The following ATP8A2 variants were observed in gnomAD, a reference collection of about 807,000 sequenced individuals.
The protein encoded by ATP8A2 is ATPase phospholipid transporting 8A2, also known as phospholipid-transporting ATPase IB.
In ATP8A2, 100 loss-of-function variants were observed where a neutral mutation model predicts 165.6. The observed-to-expected ratio is 0.60, with a 90% CI of 0.51 to 0.71. The LOEUF (loss-of-function observed/expected upper bound fraction) is 0.71. Among genes scored for constraint, ATP8A2 ranks in the 30% least tolerant of loss-of-function variants. The pLI, the probability that ATP8A2 is intolerant of heterozygous loss-of-function variation, is 0.00. For missense variants in ATP8A2, 1,227 were observed against 1,479.5 expected (o/e 0.83, Z 2.80); for synonymous variants, 543 against 548.8 (o/e 0.99, Z 0.15).
intron 1 of ATP8A2, among the ~76,000 whole-genome samples, chr13:25,382,534 A>G (rs1208723255): frequency 6.6e-6 from 1 of 152,106 alleles, no homozygotes; most frequent in Non-Finnish European, 1.5e-5. Flanking sequence ...TGGCTGTACC[A>G]TTTTGCATCC....
At position 25,577,123 on chromosome 13, in the gene ATP8A2, T is replaced by C. The variant is rs1198726040; in HGVS notation, c.1767T>C (p.Leu589=). ...IVRTPSGRLR[L]YCKGADNVIF... ...GAACTCCTTCAGGACGACTTCGGCT[T>C]TACTGTAAAGGGGCTGTAAGTACCG... Residue 589 remains leucine (L), a synonymous_variant, in exon 20 of 37, where the codon CTT becomes CTC. Transcript: ENST00000381655. The C allele has an allele frequency of 6.2e-7, 1 of 1,614,058 alleles. No individual in the cohort carries two copies.
chr13:25,860,906 T>G (rs1266437218), intron 32 of ATP8A2, 46 bp downstream of exon 32: 13 of 1,307,106 alleles, frequency 9.9e-6, no homozygotes, highest in Non-Finnish European at 1.4e-5. Context: ...TAGATATTTT[T>G]CATGCTAGGA....
chr13:25,968,728 T>A (rs1294728970), intron 35 of ATP8A2, 49 bp downstream of exon 35: 17 of 1,388,716 alleles, frequency 1.2e-5, no homozygotes, highest in Non-Finnish European at 1.7e-5. Flanking sequence ...CTCCCGGCCC[T>A]TTTCCCTTAT....
intron 33 of ATP8A2, among the ~76,000 whole-genome samples, chr13:25,905,034 C>T (rs746485956): frequency 9.2e-5 from 14 of 152,112 alleles, no homozygotes; most frequent in East Asian, 5.8e-4. Flanking sequence ...CCCCCGCCAC[C>T]GCCCCGAGGA....
At chr13:25,607,282 C>G (rs1203220493) in intron 24 of ATP8A2, among the ~76,000 whole-genome samples, 1 of 152,046 alleles carries the variant, frequency 6.6e-6, no homozygotes, top group South Asian at 2.1e-4. Context: ...CCAGCTCTGG[C>G]GAGTGCGACA....
chr13:25,731,471 A>T (rs1232315705), intron 25 of ATP8A2, among the ~76,000 whole-genome samples: 4 of 152,220 alleles, frequency 2.6e-5, no homozygotes, highest in African/African-American at 9.6e-5. Flanking sequence ...TGACCAATTG[A>T]ACTCTCGTGC....
chr13:25,863,514 A>T (rs943414960), intron 33 of ATP8A2: 1 of 152,280 alleles, frequency 6.6e-6, no homozygotes, highest in Non-Finnish European at 1.5e-5. Context: ...CCAGGGTGGG[A>T]TGGGAACTGT....
intron 2 of ATP8A2, among the ~76,000 whole-genome samples, chr13:25,486,404 T>A (rs1010633622): frequency 6.6e-6 from 1 of 152,200 alleles, no homozygotes; most frequent in East Asian, 1.9e-4. Flanking sequence ...TTTAAAGATA[T>A]TGATTTAGCA....
chr13:25,388,969 T>C (rs2033151593), intron 1 of ATP8A2, among the ~76,000 whole-genome samples: 2 of 152,094 alleles, frequency 1.3e-5, no homozygotes, highest in African/African-American at 4.8e-5. Flanking sequence ...CCAAGCTCTG[T>C]GGTGTGGAAG....
chr13:25,804,686 C>CT (rs1165543909), intron 27 of ATP8A2, among the ~76,000 whole-genome samples: 1 of 152,108 alleles, frequency 6.6e-6, no homozygotes, highest in Non-Finnish European at 1.5e-5. Context: ...ATTTTGTTTA[C>CT]TCTGAAGGGG....
At chr13:25,754,312 G>A (rs928665691) in intron 25 of ATP8A2, among the ~76,000 whole-genome samples, 4 of 152,118 alleles carry the variant, frequency 2.6e-5, no homozygotes, top group Non-Finnish European at 4.4e-5. Flanking sequence ...CCACTATGCC[G>A]GCTGCCCAGA....
chr13:25,919,881 C>T (rs925305291), intron 33 of ATP8A2, among the ~76,000 whole-genome samples: 13 of 152,102 alleles, frequency 8.5e-5, no homozygotes, highest in East Asian at 3.9e-4. Flanking sequence ...TGAACTCCCA[C>T]GCTCAGGCAG....
chr13:25,468,772 G>A, intron 1 of ATP8A2: 2 of 950,680 alleles, frequency 2.1e-6, no homozygotes, highest in Non-Finnish European at 2.5e-6. Flanking sequence ...GTGGGCGTGG[G>A]CGGGGCCGGG....
chr13:25,807,431 T>C (rs1409302264), intron 27 of ATP8A2, among the ~76,000 whole-genome samples: 8 of 152,236 alleles, frequency 5.3e-5, no homozygotes, highest in Non-Finnish European at 1.0e-4. Context: ...TACCATTTAC[T>C]GAAAAGACTA....
At chr13:25,968,702 G>T (rs372884004) in intron 35 of ATP8A2, 23 bp downstream of exon 35, 1,052 of 1,575,244 alleles carry the variant, frequency 6.7e-4, no homozygotes, top group Non-Finnish European at 8.7e-4. Flanking sequence ...GTCCCAGTCC[G>T]CACAGAACAC....
chr13:25,578,674 C>T, intron 20 of ATP8A2, 141 bp from the exon 21 acceptor site: 5 of 681,498 alleles, frequency 7.3e-6, no homozygotes, highest in Non-Finnish European at 1.1e-5. Flanking sequence ...CATGCCTGAG[C>T]CCAGCCAAAT....
At chr13:25,574,308 T>G (rs1321298949) in intron 18 of ATP8A2, among the ~76,000 whole-genome samples, 4 of 152,128 alleles carry the variant, frequency 2.6e-5, no homozygotes, top group Non-Finnish European at 4.4e-5. Context: ...CTAAATTTGG[T>G]GAAGAGTTAT....
intron 28 of ATP8A2, among the ~76,000 whole-genome samples, chr13:25,830,633 A>G (rs1292768165): frequency 6.6e-6 from 1 of 152,208 alleles, no homozygotes; most frequent in Non-Finnish European, 1.5e-5. Context: ...GTATAAAATA[A>G]ATAGAAATAT....
intron 24 of ATP8A2, among the ~76,000 whole-genome samples, chr13:25,689,303 C>T (rs541843007): frequency 6.6e-6 from 1 of 152,292 alleles, no homozygotes; most frequent in East Asian, 1.9e-4. Flanking sequence ...GCTGACAGAA[C>T]ATATATTAAC....
Sources: gnomAD v4.1 joint callset for allele counts (sites outside exome capture counted in the v4.1 genomes callset) on GRCh38, gnomAD v4.1.1 for gene constraint, MANE v1.5 for transcripts, NCBI Gene and HGNC (gene_info 2026-07-23, HGNC 2026-07-21) for gene names.